The following RALGPS1 variants were observed in gnomAD, a reference collection of about 807,000 sequenced individuals.
The protein encoded by RALGPS1 is ras-specific guanine nucleotide-releasing factor RalGPS1.
Under a neutral mutation model 78.8 loss-of-function variants are expected in RALGPS1, and 19 were observed. The ratio of observed to expected loss-of-function variants is 0.24; its 90% CI spans 0.17 to 0.35. The LOEUF (loss-of-function observed/expected upper bound fraction) is 0.35. RALGPS1 is among the 10% of genes least tolerant of loss of function. RALGPS1 has a pLI of 1.00. For synonymous variants in RALGPS1, 228 were observed against 256.3 expected (o/e 0.89, Z 1.06); for missense variants, 454 against 688.3 (o/e 0.66, Z 3.81).
intron 8 of RALGPS1, among the ~76,000 whole-genome samples, chr9:127,138,521 A>C (rs1019147600): frequency 2.6e-5 from 4 of 152,154 alleles, no homozygotes; most frequent in African/African-American, 9.7e-5. Flanking sequence ...CTGGGCACAC[A>C]CTACTCCAGG....
At chr9:126,989,833 G>C in intron 4 of RALGPS1, 1 of 1,540,162 alleles carries the variant, frequency 6.5e-7, no homozygotes, top group Non-Finnish European at 8.8e-7. Context: ...CATCAGGCTG[G>C]AGCTCGAGAC....
intron 8 of RALGPS1, among the ~76,000 whole-genome samples, chr9:127,147,363 A>G (rs1047178022): frequency 2.0e-5 from 3 of 152,228 alleles, no homozygotes; most frequent in African/African-American, 7.2e-5. Context: ...TTTGCTGTGC[A>G]GAAGCTCTTT....
At position 127,087,039 on chromosome 9, in the gene RALGPS1, C is replaced by T. The variant is rs561888148; in HGVS notation, c.610+17683C>T. Reference sequence around the variant, plus strand: ...GCCATTTGGTGAAAAGGGACCAGACCTGGAAGAAAGGTACGTCAGGTGTTA... The same window carrying T: ...GCCATTTGGTGAAAAGGGACCAGACTTGGAAGAAAGGTACGTCAGGTGTTA... On this transcript the variant is annotated intron_variant, in intron 8 of 18. Coordinates refer to ENST00000259351, the MANE Select transcript of RALGPS1 (RefSeq NM_014636.3). Among the ~76,000 whole-genome samples, 4 of 152,270 alleles carry T rather than the reference C, an allele frequency of 2.6e-5. No homozygotes were observed. The East Asian group carries it at 7.7e-4, about 29-fold the overall frequency.
chr9:127,195,019 T>G lies in RALGPS1; in HGVS notation c.911-72T>G, dbSNP rs529594816. ...CAAACCCGGGGCCCACCTCCACACC[T>G]CAACCCAGCCTGTGCAGCCCCTCAC... On this transcript the variant is annotated intron_variant, in intron 11 of 18. Transcript: ENST00000259351. 3.9e-5 allele frequency: 62 copies of G among 1,577,458 alleles called. 1 individual carries two copies. In the South Asian group the frequency reaches 6.3e-4, roughly 16 times the overall value.
chr9:127,184,862 A>T (rs1159194864), intron 11 of RALGPS1, among the ~76,000 whole-genome samples: 1 of 152,164 alleles, frequency 6.6e-6, no homozygotes, highest in African/African-American at 2.4e-5. Context: ...TTAATTTCTG[A>T]TGTGCGATAC....
At chr9:126,948,672 T>C (rs2037509109) in intron 1 of RALGPS1, among the ~76,000 whole-genome samples, 1 of 152,140 alleles carries the variant, frequency 6.6e-6, no homozygotes, top group African/African-American at 2.4e-5. Flanking sequence ...GCCTGGGACA[T>C]GGGGGCGCTT....
intron 8 of RALGPS1, among the ~76,000 whole-genome samples, chr9:127,155,679 C>T (rs2058669769): frequency 6.6e-6 from 1 of 152,132 alleles, no homozygotes; most frequent in Admixed American, 6.5e-5. Flanking sequence ...AGGGTATAGA[C>T]TGGACTGGAA....
intron 8 of RALGPS1, chr9:127,108,270 C>T: frequency 3.7e-6 from 6 of 1,613,996 alleles, no homozygotes; most frequent in Non-Finnish European, 5.1e-6. Context: ...GCTGGGAGAG[C>T]TCCAACGCGT....
chr9:127,113,942 A>T (rs116782593), intron 8 of RALGPS1, among the ~76,000 whole-genome samples: 1 of 152,232 alleles, frequency 6.6e-6, no homozygotes, highest in African/African-American at 2.4e-5. Flanking sequence ...TTTTCATCAG[A>T]TGGAGCTGTG....
chr9:127,136,420 C>T (rs907875409), intron 8 of RALGPS1, among the ~76,000 whole-genome samples: 9 of 152,206 alleles, frequency 5.9e-5, no homozygotes, highest in Non-Finnish European at 1.2e-4. Context: ...CACCCACCCT[C>T]TTCCCGGGAC....
intron 6 of RALGPS1, among the ~76,000 whole-genome samples, chr9:127,052,147 G>A (rs538117686): frequency 7.7e-4 from 118 of 152,312 alleles, no homozygotes; most frequent in African/African-American, 2.7e-3. Flanking sequence ...CAGGTCTTTT[G>A]ATTCCATAGA....
intron 4 of RALGPS1, among the ~76,000 whole-genome samples, chr9:127,018,683 G>A (rs561965700): frequency 2.9e-5 from 4 of 137,292 alleles, no homozygotes; most frequent in Admixed American, 2.2e-4. Context: ...TAATAATAAC[G>A]ATGAAAAGTA....
At chr9:127,198,940 G>A in intron 13 of RALGPS1, 75 bp from the exon 14 acceptor site, 1 of 1,358,272 alleles carries the variant, frequency 7.4e-7, no homozygotes, top group Admixed American at 1.7e-5. Context: ...CAGGGGGCCT[G>A]GGCTCGGTGA....
intron 9 of RALGPS1, among the ~76,000 whole-genome samples, chr9:127,166,888 C>G (rs1376594291): frequency 6.6e-6 from 1 of 152,070 alleles, no homozygotes; most frequent in Non-Finnish European, 1.5e-5. Context: ...ATGGGCCATC[C>G]ATGTGGGGAT....
chr9:126,997,641 A>C (rs1355253521), intron 4 of RALGPS1, among the ~76,000 whole-genome samples: 1 of 152,236 alleles, frequency 6.6e-6, no homozygotes, highest in Non-Finnish European at 1.5e-5. Context: ...GCTACCAATG[A>C]CTTTCTTCAC....
intron 5 of RALGPS1, among the ~76,000 whole-genome samples, chr9:127,048,719 G>A (rs537404303): frequency 3.9e-5 from 6 of 152,244 alleles, no homozygotes; most frequent in South Asian, 4.2e-4. Context: ...CCATAAAAAT[G>A]TACACATATT....
At chr9:127,166,422 T>A (rs1379506245) in intron 9 of RALGPS1, among the ~76,000 whole-genome samples, 6 of 152,180 alleles carry the variant, frequency 3.9e-5, no homozygotes, top group African/African-American at 1.4e-4. Flanking sequence ...GTGAGGAAAT[T>A]GAGGCTGAAA....
intron 3 of RALGPS1, among the ~76,000 whole-genome samples, chr9:126,971,329 G>A (rs765693165): frequency 7.4e-5 from 11 of 148,560 alleles, no homozygotes; most frequent in Non-Finnish European, 1.5e-4. Flanking sequence ...CCATGAAGCC[G>A]AGAATGTCAA....
At chr9:127,189,716 A>G (rs927457189) in intron 11 of RALGPS1, among the ~76,000 whole-genome samples, 4 of 152,142 alleles carry the variant, frequency 2.6e-5, no homozygotes, top group Admixed American at 2.6e-4. Flanking sequence ...TCAGTACCCC[A>G]GGGTTAGAAA....
Sources: gnomAD v4.1 joint callset for allele counts (sites outside exome capture counted in the v4.1 genomes callset) on GRCh38, gnomAD v4.1.1 for gene constraint, MANE v1.5 for transcripts, NCBI Gene and HGNC (gene_info 2026-07-23, HGNC 2026-07-21) for gene names.